THRB: variants seen among roughly 807,000 people sequenced by gnomAD.
The protein encoded by THRB is thyroid hormone receptor beta.
THRB carries 12 observed loss-of-function variants against 47.8 expected under a neutral mutation model. The ratio of observed to expected loss-of-function variants is 0.25; its 90% CI spans 0.16 to 0.41. The LOEUF is 0.41. Ranked by LOEUF, THRB falls within the 10% of genes least tolerant of loss-of-function variation. The probability of loss-of-function intolerance (pLI) is 1.00; values close to 1 mark genes in which losing one functional copy is unlikely to be tolerated. For missense variants in THRB, 348 were observed against 589.2 expected, an observed-to-expected ratio of 0.59 and a Z score of 4.24; for synonymous variants, 218 against 212.2, an observed-to-expected ratio of 1.03 and a Z score of -0.24.
At chr3:24,257,125 T>C (rs1244672912) in intron 3 of THRB, among the ~76,000 whole-genome samples, 1 of 152,222 alleles carries the variant, frequency 6.6e-6, no homozygotes, top group Non-Finnish European at 1.5e-5. Flanking sequence ...GTTTAGATGA[T>C]ACCTGAAGTC....
chr3:24,391,844 A>G (rs1377925008), intron 1 of THRB, among the ~76,000 whole-genome samples: 1 of 152,128 alleles, frequency 6.6e-6, no homozygotes, highest in Non-Finnish European at 1.5e-5. Flanking sequence ...TCAGAATTCT[A>G]CATGTACTAA....
intron 1 of THRB, among the ~76,000 whole-genome samples, chr3:24,370,718 A>G (rs1436336650): frequency 6.6e-6 from 1 of 152,038 alleles, no homozygotes; most frequent in African/African-American, 2.4e-5. Flanking sequence ...GCACTATATC[A>G]CTACTCACTT....
At chr3:24,143,401 G>T in intron 8 of THRB, 100 bp downstream of exon 8, 1 of 1,175,310 alleles carries the variant, frequency 8.5e-7, no homozygotes, top group Non-Finnish European at 1.3e-6. Context: ...TCAGTAAAAT[G>T]AGGCAATAAC....
At chr3:24,225,876 G>A (rs925399024) in intron 4 of THRB, among the ~76,000 whole-genome samples, 4 of 152,072 alleles carry the variant, frequency 2.6e-5, no homozygotes, top group Admixed American at 6.6e-5. Flanking sequence ...GGAAGGAATC[G>A]CATTTTTCAA....
chr3:24,153,155 A>G (rs12107078), intron 5 of THRB, among the ~76,000 whole-genome samples: 11,669 of 152,082 alleles, frequency 0.077, 708 homozygotes, highest in African/African-American at 0.17. Context: ...TTTTCACAAG[A>G]TTTGATCCAC....
intron 10 of THRB, among the ~76,000 whole-genome samples, chr3:24,125,717 C>G (rs1174484273): frequency 1.3e-5 from 2 of 152,154 alleles, no homozygotes; most frequent in Non-Finnish European, 2.9e-5. Flanking sequence ...GGGAACTTTC[C>G]CCACATGGCG....
rs574504930 is a variant in THRB at position 24,431,428 on chromosome 3, C to T, written c.-261+63224G>A. ...GAACCTCATTAGAAATCAAAACATG[C>T]TTTTTCAGATCACAGTAAGGTACAT... On this transcript the variant is annotated intron_variant, in intron 1 of 10. Transcript: ENST00000646209. 6.6e-5 allele frequency among the ~76,000 whole-genome samples: 10 copies of T among 152,050 alleles called. 1 individual carries two copies. In the East Asian group the frequency reaches 1.6e-3, roughly 24 times the overall value.
intron 3 of THRB, among the ~76,000 whole-genome samples, chr3:24,234,929 A>G (rs1430162644): frequency 3.9e-5 from 6 of 152,172 alleles, no homozygotes; most frequent in Admixed American, 3.9e-4. Context: ...GTCTTGAAAG[A>G]GTTGCTGTGG....
chr3:24,232,383 C>T (rs1236736533), intron 3 of THRB, among the ~76,000 whole-genome samples: 2 of 152,172 alleles, frequency 1.3e-5, no homozygotes, highest in African/African-American at 4.8e-5. Context: ...AAAATATATA[C>T]AGGTTTCACC....
At chr3:24,194,296 C>T (rs1470868900) in intron 4 of THRB, among the ~76,000 whole-genome samples, 1 of 152,094 alleles carries the variant, frequency 6.6e-6, no homozygotes, top group Non-Finnish European at 1.5e-5. Context: ...AAAATAAAAG[C>T]CTGTTGTTCT....
At chr3:24,210,503 A>G (rs926404768) in intron 4 of THRB, among the ~76,000 whole-genome samples, 1 of 151,468 alleles carries the variant, frequency 6.6e-6, no homozygotes, top group Non-Finnish European at 1.5e-5. Flanking sequence ...ACTGGCATCT[A>G]GTGGGTACAC....
intron 3 of THRB, among the ~76,000 whole-genome samples, chr3:24,262,808 C>A (rs1225406114): frequency 2.0e-5 from 3 of 152,146 alleles, no homozygotes; most frequent in Non-Finnish European, 4.4e-5. Context: ...TTTCCCCTAC[C>A]CCCTACTAGA....
At chr3:24,128,547 T>C (rs915682771) in intron 9 of THRB, among the ~76,000 whole-genome samples, 6 of 152,244 alleles carry the variant, frequency 3.9e-5, no homozygotes, top group African/African-American at 1.4e-4. Flanking sequence ...AATAAGAATT[T>C]TATTTTCTGG....
At chr3:24,466,487 G>GGGAA (rs1438264000) in intron 1 of THRB, among the ~76,000 whole-genome samples, 1 of 152,092 alleles carries the variant, frequency 6.6e-6, no homozygotes, top group South Asian at 2.1e-4. Flanking sequence ...AAACCCAGTG[G>GGGAA]GGAAGAGTTC....
At chr3:24,194,877 G>T (rs2043781670) in intron 4 of THRB, among the ~76,000 whole-genome samples, 1 of 152,206 alleles carries the variant, frequency 6.6e-6, no homozygotes, top group Admixed American at 6.5e-5. Context: ...TGACAAAGTG[G>T]TCAGAAGGGG....
intron 1 of THRB, among the ~76,000 whole-genome samples, chr3:24,431,265 CA>C (rs1560169950): frequency 9.3e-6 from 1 of 107,264 alleles, no homozygotes; most frequent in East Asian, 2.9e-4. Flanking sequence ...TCTCTCTACA[CA>C]CACACACACA....
rs147621265 is a variant in THRB at position 24,366,012 on chromosome 3, T to A, written c.-260-28641A>T. The stretch of plus-strand genomic sequence containing the variant: ...CTTCAACTAAATTTATTGGCTAAAA[T>A]CCTGTGCATTTTGAAGGTCAGAATT... On this transcript the variant is annotated intron_variant, in intron 1 of 10. Coordinates refer to ENST00000646209, the MANE Select transcript of THRB (RefSeq NM_001354712.2). Among the ~76,000 whole-genome samples, 272 of 152,320 alleles carry A rather than the reference T, an allele frequency of 1.8e-3. 1 individual carries two copies. Among genetic ancestry groups the A allele is most frequent in the Middle Eastern group, 6.8e-3 (2 of 294 alleles).
chr3:24,486,133 G>A (rs573960339), intron 1 of THRB, among the ~76,000 whole-genome samples: 7 of 152,138 alleles, frequency 4.6e-5, no homozygotes, highest in Non-Finnish European at 1.0e-4. Context: ...GGAGGGTTGG[G>A]GGAGCTATTG....
intron 9 of THRB, among the ~76,000 whole-genome samples, chr3:24,128,127 T>TTTTG (rs1200850597): frequency 1.3e-5 from 2 of 152,112 alleles, no homozygotes; most frequent in Admixed American, 1.3e-4. Context: ...AACTCTCCAT[T>TTTTG]TTTGTTTGTT....
Sources: allele counts gnomAD v4.1 joint callset (sites outside exome capture counted in the v4.1 genomes callset), GRCh38; gene constraint gnomAD v4.1.1; transcripts MANE v1.5; gene names NCBI Gene and HGNC (gene_info 2026-07-23, HGNC 2026-07-21).